The following KCNIP4 variants were observed in gnomAD, a reference collection of about 807,000 sequenced individuals.
KCNIP4 encodes the protein Kv channel-interacting protein 4.
In KCNIP4, 12 loss-of-function variants were observed where a neutral mutation model predicts 34.0. That is an observed-to-expected ratio of 0.35 (90% CI 0.23 to 0.57). The LOEUF (loss-of-function observed/expected upper bound fraction) is 0.57. Ranked by LOEUF, KCNIP4 falls within the 20% of genes least tolerant of loss-of-function variation. The probability of loss-of-function intolerance (pLI) is 0.83; values close to 1 mark genes in which losing one functional copy is unlikely to be tolerated. For missense variants in KCNIP4, 238 were observed against 311.7 expected, an observed-to-expected ratio of 0.76 and a Z score of 1.78; for synonymous variants, 124 against 102.2, an observed-to-expected ratio of 1.21 and a Z score of -1.29.
chr4:21,906,893 T>C (rs1264710723), intron 1 of KCNIP4, among the ~76,000 whole-genome samples: 2 of 152,210 alleles, frequency 1.3e-5, no homozygotes, highest in Non-Finnish European at 1.5e-5. Flanking sequence ...AAAAGGTATA[T>C]TTTTATGTAA....
intron 1 of KCNIP4, among the ~76,000 whole-genome samples, chr4:21,773,745 G>GT (rs55701942): frequency 2.3e-4 from 27 of 115,450 alleles, no homozygotes; most frequent in African/African-American, 1.5e-3. Flanking sequence ...TTTTTTTGTT[G>GT]TTTTTTTTTT....
intron 1 of KCNIP4, among the ~76,000 whole-genome samples, chr4:21,247,752 AT>A (rs1760352833): frequency 7.7e-6 from 1 of 129,098 alleles, no homozygotes; most frequent in African/African-American, 3.1e-5. Context: ...ATATATATAT[AT>A]ATATATACAC....
chr4:20,905,686 A>AC (rs1260630936), intron 1 of KCNIP4, among the ~76,000 whole-genome samples: 1,821 of 141,326 alleles, frequency 0.013, 18 homozygotes, highest in African/African-American at 0.017. Context: ...TAAGTTTTGA[A>AC]ATTTTTTTTT....
chr4:20,841,193 A>G (rs1296136799), intron 3 of KCNIP4, among the ~76,000 whole-genome samples: 2 of 152,208 alleles, frequency 1.3e-5, no homozygotes, highest in African/African-American at 2.4e-5. Flanking sequence ...AAAAGAAGAA[A>G]GTGAGAGAAG....
At chr4:21,336,003 A>T in intron 1 of KCNIP4, among the ~76,000 whole-genome samples, 1 of 152,032 alleles carries the variant, frequency 6.6e-6, no homozygotes, top group Non-Finnish European at 1.5e-5. Context: ...ATATATTTAT[A>T]TTTTTTTGCA....
At chr4:21,007,536 T>C (rs1738679587) in intron 1 of KCNIP4, among the ~76,000 whole-genome samples, 1 of 152,216 alleles carries the variant, frequency 6.6e-6, no homozygotes, top group Non-Finnish European at 1.5e-5. Context: ...AACCATCTTC[T>C]CTACTCTGCC....
At chr4:21,212,715 C>G (rs1757308304) in intron 1 of KCNIP4, among the ~76,000 whole-genome samples, 1 of 152,132 alleles carries the variant, frequency 6.6e-6, no homozygotes, top group African/African-American at 2.4e-5. Flanking sequence ...CTGAGGGTCT[C>G]TTTAAGGAGG....
intron 1 of KCNIP4, among the ~76,000 whole-genome samples, chr4:21,768,096 C>T (rs1357673743): frequency 2.0e-5 from 3 of 152,038 alleles, no homozygotes; most frequent in South Asian, 4.2e-4. Flanking sequence ...CAACTAGTGC[C>T]GATAAACCGC....
At chr4:21,801,895 G>GA (rs1195786107) in intron 1 of KCNIP4, among the ~76,000 whole-genome samples, 1 of 151,342 alleles carries the variant, frequency 6.6e-6, no homozygotes, top group Non-Finnish European at 1.5e-5. Flanking sequence ...TATACAGAGA[G>GA]AAGTCATCAA....
At chr4:21,647,937 G>A (rs904253637) in intron 1 of KCNIP4, among the ~76,000 whole-genome samples, 1 of 130,818 alleles carries the variant, frequency 7.6e-6, no homozygotes, top group African/African-American at 2.9e-5. Context: ...GCAGTGGCGT[G>A]ATCTCGGCTC....
intron 1 of KCNIP4, among the ~76,000 whole-genome samples, chr4:21,042,897 T>C (rs1742089277): frequency 6.6e-6 from 1 of 152,184 alleles, no homozygotes; most frequent in Admixed American, 6.5e-5. Context: ...ATAAACATTA[T>C]GCAACCAGAC....
intron 1 of KCNIP4, among the ~76,000 whole-genome samples, chr4:21,099,056 G>T (rs1014645267): frequency 3.3e-5 from 5 of 152,194 alleles, no homozygotes; most frequent in African/African-American, 1.2e-4. Context: ...GGAAGACAGT[G>T]TGGTAAATCC....
chr4:21,621,544 G>C (rs934344077), intron 1 of KCNIP4, among the ~76,000 whole-genome samples: 1 of 152,098 alleles, frequency 6.6e-6, no homozygotes, highest in African/African-American at 2.4e-5. Context: ...TTTTTGTAGA[G>C]ACAGGGTATC....
chr4:21,221,768 T>C (rs1406117861), intron 1 of KCNIP4, among the ~76,000 whole-genome samples: 1 of 152,186 alleles, frequency 6.6e-6, no homozygotes, highest in Admixed American at 6.5e-5. Flanking sequence ...AGAGAAGGTA[T>C]GCATTTCAGT....
intron 1 of KCNIP4, among the ~76,000 whole-genome samples, chr4:21,931,277 T>G (rs1729549387): frequency 6.6e-6 from 1 of 152,092 alleles, no homozygotes. Context: ...TTTGTTTTTT[T>G]TAAATTATAC....
In KCNIP4 at chr4:21,344,696, G is replaced by A. The variant is rs146779943; in HGVS notation, c.62-461987C>T. ...CTTATTAAAGCATCACAAAATCCCCGATATGTAGGCAGAATAGGCATCAGT... is the reference window on the plus strand; with the variant it reads ...CTTATTAAAGCATCACAAAATCCCCAATATGTAGGCAGAATAGGCATCAGT... On this transcript the variant is annotated intron_variant, in intron 1 of 8. Transcript: ENST00000382152. Among the ~76,000 whole-genome samples the A allele has an allele frequency of 3.1e-3, 467 of 152,238 alleles. 4 individuals carry two copies. Among genetic ancestry groups the A allele is most frequent in the Admixed American group, 7.9e-3 (121 of 15,298 alleles).
intron 1 of KCNIP4, among the ~76,000 whole-genome samples, chr4:21,432,113 T>TATATA (rs1553881279): frequency 9.2e-6 from 1 of 108,372 alleles, no homozygotes; most frequent in Non-Finnish European, 1.8e-5. Context: ...TATATATATA[T>TATATA]ATATATATAT....
chr4:21,021,506 A>G (rs556037552), intron 1 of KCNIP4, among the ~76,000 whole-genome samples: 1 of 152,318 alleles, frequency 6.6e-6, no homozygotes, highest in African/African-American at 2.4e-5. Flanking sequence ...CACATTGTAT[A>G]GTTGTACAAA....
At chr4:21,890,925 T>C (rs373936205) in intron 1 of KCNIP4, among the ~76,000 whole-genome samples, 1 of 151,528 alleles carries the variant, frequency 6.6e-6, no homozygotes, top group African/African-American at 2.4e-5. Flanking sequence ...AGTGGCAGGG[T>C]AGACAAGAGA....
Sources: gnomAD v4.1 joint callset for allele counts (sites outside exome capture counted in the v4.1 genomes callset) on GRCh38, gnomAD v4.1.1 for gene constraint, MANE v1.5 for transcripts, NCBI Gene and HGNC (gene_info 2026-07-23, HGNC 2026-07-21) for gene names.